Variants in GRAMD1B observed in about 807,000 individuals in gnomAD.
GRAMD1B encodes GRAM domain containing 1B.
A neutral mutation model predicts 99.7 loss-of-function variants in GRAMD1B; 37 were observed. That is an observed-to-expected ratio of 0.37 (90% CI 0.29 to 0.49). The LOEUF (loss-of-function observed/expected upper bound fraction) is 0.49, where lower values mean the gene tolerates loss of function less well. GRAMD1B is among the 20% of genes least tolerant of loss of function. The pLI is 0.98. For missense variants in GRAMD1B, 888 were observed against 1,009.2 expected, an observed-to-expected ratio of 0.88 and a Z score of 1.63; for synonymous variants, 427 against 387.6, an observed-to-expected ratio of 1.10 and a Z score of -1.19.
chr11:123,606,536 TCC>T, intron 10 of GRAMD1B, 71 bp from the exon 11 acceptor site: 2 of 1,349,902 alleles, frequency 1.5e-6, no homozygotes, highest in Non-Finnish European at 2.0e-6. Context: ...CAAGGCTGCA[TCC>T]CTAATCTCCC....
chr11:123,563,083 C>G (rs1006104613), intron 2 of GRAMD1B, among the ~76,000 whole-genome samples: 2 of 152,158 alleles, frequency 1.3e-5, no homozygotes, highest in African/African-American at 4.8e-5. Flanking sequence ...GCTGAGGGAG[C>G]CATCGCCATG....
chr11:123,542,182 G>A (rs568630347), intron 2 of GRAMD1B, among the ~76,000 whole-genome samples: 24 of 152,294 alleles, frequency 1.6e-4, no homozygotes, highest in East Asian at 3.9e-4. Flanking sequence ...ATAGTGCACC[G>A]AGTGGCACAC....
At chr11:123,370,911 G>A (rs1356500693) in intron 1 of GRAMD1B, among the ~76,000 whole-genome samples, 6 of 152,072 alleles carry the variant, frequency 3.9e-5, no homozygotes, top group African/African-American at 1.2e-4. Context: ...TTTTGGGAAG[G>A]CTGGCAGAAT....
At position 123,559,774 on chromosome 11, in the gene GRAMD1B, G is replaced by GC. The variant is rs1370845996; in HGVS notation, c.453-17592dup. ...AAGCGAGCATCCTGGAAGTCTGGGA[G>GC]CAGCTACACTGAAGAGGCCCTCGGC... On this transcript the variant is annotated intron_variant, in intron 2 of 19. Coordinates refer to ENST00000635736, the MANE Select transcript of GRAMD1B (RefSeq NM_001387025.1). The GC allele has an allele frequency of 5.4e-6, 4 of 734,176 alleles. No individual in the cohort carries two copies. The African/African-American group carries it at 7.6e-5, about 14-fold the overall frequency. 45.5% of individuals were successfully genotyped at this position (734,176 alleles called of 1,614,324 possible).
At chr11:123,545,435 G>C (rs1462086261) in intron 2 of GRAMD1B, among the ~76,000 whole-genome samples, 4 of 152,168 alleles carry the variant, frequency 2.6e-5, no homozygotes, top group Admixed American at 6.5e-5. Context: ...GAATCATGTG[G>C]GGACCTAGTC....
chr11:123,419,850 C>T (rs1417847226), intron 1 of GRAMD1B, among the ~76,000 whole-genome samples: 5 of 151,916 alleles, frequency 3.3e-5, no homozygotes, highest in African/African-American at 9.7e-5. Context: ...ACATATGGGG[C>T]CAATGAGTGC....
chr11:123,395,327 T>C (rs1174441226), intron 1 of GRAMD1B, among the ~76,000 whole-genome samples: 2 of 152,076 alleles, frequency 1.3e-5, no homozygotes, highest in East Asian at 1.9e-4. Flanking sequence ...TAAGATTACA[T>C]AGTAAAATTG....
At chr11:123,450,034 G>A (rs1222704745) in intron 1 of GRAMD1B, among the ~76,000 whole-genome samples, 6 of 152,092 alleles carry the variant, frequency 3.9e-5, no homozygotes, top group Non-Finnish European at 5.9e-5. Flanking sequence ...AGAGACTGCC[G>A]TTCTAAAGGT....
At chr11:123,392,242 C>T (rs78238452) in intron 1 of GRAMD1B, among the ~76,000 whole-genome samples, 324 of 151,996 alleles carry the variant, frequency 2.1e-3, no homozygotes, top group African/African-American at 7.2e-3. Context: ...GTCTCCAGAT[C>T]GTATGTCTTT....
intron 15 of GRAMD1B, 22 bp from the exon 16 acceptor site, chr11:123,613,433 G>C (rs371510938): frequency 1.9e-6 from 3 of 1,573,900 alleles, no homozygotes; most frequent in African/African-American, 2.7e-5. Flanking sequence ...GGCCTCTCCT[G>C]TGGTCCTTTT....
chr11:123,402,480 G>C (rs549841995), intron 1 of GRAMD1B, among the ~76,000 whole-genome samples: 1 of 152,160 alleles, frequency 6.6e-6, no homozygotes, highest in South Asian at 2.1e-4. Flanking sequence ...TAAAAACTCC[G>C]AGGGGCTGTT....
chr11:123,474,691 A>G (rs1328024506), intron 1 of GRAMD1B, among the ~76,000 whole-genome samples: 2 of 150,698 alleles, frequency 1.3e-5, no homozygotes, highest in Non-Finnish European at 2.9e-5. Flanking sequence ...TTTCTACTGT[A>G]TCACTGCTTA....
At chr11:123,526,858 C>T (rs1244983974) in intron 2 of GRAMD1B, among the ~76,000 whole-genome samples, 1 of 152,072 alleles carries the variant, frequency 6.6e-6, no homozygotes, top group African/African-American at 2.4e-5. Context: ...AATATTTTTA[C>T]CTTCCATTTA....
chr11:123,581,459 G>A (rs1267464497), intron 3 of GRAMD1B, among the ~76,000 whole-genome samples: 1 of 152,210 alleles, frequency 6.6e-6, no homozygotes, highest in African/African-American at 2.4e-5. Context: ...CCGTCTGGCA[G>A]AGCCTTTGGG....
chr11:123,500,949 C>T (rs1939792583), intron 2 of GRAMD1B, among the ~76,000 whole-genome samples: 1 of 152,136 alleles, frequency 6.6e-6, no homozygotes, highest in African/African-American at 2.4e-5. Flanking sequence ...GCTGGGATTA[C>T]AGTCGTGAGC....
intron 2 of GRAMD1B, chr11:123,560,572 G>A: frequency 2.1e-6 from 1 of 467,624 alleles, no homozygotes; most frequent in Non-Finnish European, 3.3e-6. Context: ...CCCCGCCCCC[G>A]CCCCCCACTG....
chr11:123,579,486 G>A (rs1166061981), intron 3 of GRAMD1B, among the ~76,000 whole-genome samples: 2 of 152,174 alleles, frequency 1.3e-5, no homozygotes. Context: ...AACTTTACCT[G>A]GAGCGAGGAA....
rs895104980 is a variant in GRAMD1B, at chr11:123,610,602, G to T, written c.1919+264G>T. ...GTGGCTTATACAGTATAGTGTAGGC[G>T]CTTTACCTACATTCACTGGAGTCTT... On this transcript the variant is annotated intron_variant, in intron 14 of 19. Coordinates refer to ENST00000635736, the MANE Select transcript of GRAMD1B (RefSeq NM_001387025.1). This position sits in a 1 kb window ranked among gnomAD's most constrained non-coding sequence, Gnocchi z 4.1. 6.6e-6 allele frequency among the ~76,000 whole-genome samples: 1 copy of T among 152,268 alleles called. No homozygotes were observed. The highest frequency in any genetic ancestry group is 1.9e-4 in the East Asian group (1 of 5,184).
intron 2 of GRAMD1B, among the ~76,000 whole-genome samples, chr11:123,517,509 C>T (rs1440572726): frequency 6.6e-6 from 1 of 152,120 alleles, no homozygotes; most frequent in Non-Finnish European, 1.5e-5. Context: ...TGCTTGTCAT[C>T]CTCACCTTTT....
Sources: allele counts gnomAD v4.1 joint callset (sites outside exome capture counted in the v4.1 genomes callset), GRCh38; gene constraint gnomAD v4.1.1; non-coding constraint Gnocchi (gnomAD v3.1); transcripts MANE v1.5; gene names NCBI Gene and HGNC (gene_info 2026-07-23, HGNC 2026-07-21).